Variants in KLF7 observed in about 807,000 individuals in gnomAD.
The protein encoded by KLF7 is Krueppel-like factor 7.
Under a neutral mutation model 27.3 loss-of-function variants are expected in KLF7, and 2 were observed. The observed-to-expected ratio is 0.07, with a 90% CI of 0.03 to 0.23. The LOEUF (loss-of-function observed/expected upper bound fraction) is 0.23, where lower values mean the gene tolerates loss of function less well. Among genes scored for constraint, KLF7 ranks in the 10% least tolerant of loss-of-function variants. KLF7 has a pLI of 1.00. For missense variants in KLF7, 221 were observed against 394.1 expected (o/e 0.56, Z 3.72); for synonymous variants, 165 against 162.4 (o/e 1.02, Z -0.12).
chr2:207,096,811 T>C lies in KLF7; in HGVS notation c.734-8230A>G, dbSNP rs79185299. ...ACAGTAGATGCTCAGATAATACACTTATTTACATATAGGACCCATAAAAGT... is the reference window on the plus strand; with the variant it reads ...ACAGTAGATGCTCAGATAATACACTCATTTACATATAGGACCCATAAAAGT... On this transcript the variant is annotated intron_variant, in intron 2 of 3. Coordinates refer to ENST00000309446, the MANE Select transcript of KLF7 (RefSeq NM_003709.4). Among the ~76,000 whole-genome samples, 72 of 152,310 alleles carry C rather than the reference T, an allele frequency of 4.7e-4. No individual in the cohort carries two copies. In the East Asian group the frequency reaches 0.01, roughly 22 times the overall value.
intron 2 of KLF7, among the ~76,000 whole-genome samples, chr2:207,117,145 C>A (rs571113258): frequency 6.6e-6 from 1 of 152,296 alleles, no homozygotes; most frequent in South Asian, 2.1e-4. Context: ...AGGCGTCCCA[C>A]AAAGCCTATA....
In KLF7 at chr2:207,078,898, T is replaced by C. The variant is rs2076220207; in HGVS notation, c.*2315A>G. ...TTGTCAGCAAGCAGTGCTCCAGAAATTGTTTTTAAGTCATGTCTAGTTTTA... is the reference window on the plus strand; with the variant it reads ...TTGTCAGCAAGCAGTGCTCCAGAAACTGTTTTTAAGTCATGTCTAGTTTTA... On this transcript the variant is annotated 3_prime_UTR_variant, in exon 4 of 4. Coordinates refer to ENST00000309446, the MANE Select transcript of KLF7 (RefSeq NM_003709.4). 6.6e-6 allele frequency: 1 copy of C among 152,182 alleles called. No individual in the cohort carries two copies. The highest frequency in any genetic ancestry group is 6.5e-5 in the Admixed American group (1 of 15,280). The allele number at this position is 152,182 out of a possible 1,614,324, so 9.4% of individuals were successfully genotyped here. A position where few individuals can be genotyped will look rare whatever the true frequency, so the allele number is the denominator to read the frequency against.
At chr2:207,096,201 G>A (rs1165023045) in intron 2 of KLF7, among the ~76,000 whole-genome samples, 2 of 152,188 alleles carry the variant, frequency 1.3e-5, no homozygotes, top group Non-Finnish European at 2.9e-5. Flanking sequence ...GAAGGACTCA[G>A]TAAACAAGTC....
chr2:207,102,042 C>A (rs1432459820), intron 2 of KLF7, among the ~76,000 whole-genome samples: 2 of 151,868 alleles, frequency 1.3e-5, no homozygotes, highest in Non-Finnish European at 2.9e-5. Flanking sequence ...GATCTTCCTA[C>A]ATCTTCTTTC....
upstream of KLF7, among the ~76,000 whole-genome samples, chr2:207,167,885 A>C (rs1216907646): frequency 6.6e-6 from 1 of 152,252 alleles, no homozygotes. Context: ...TGAATACTAA[A>C]TATTAGCTAT....
chr2:207,166,900 C>T, upstream of KLF7: 1 of 1,062,376 alleles, frequency 9.4e-7, no homozygotes, highest in Non-Finnish European at 1.2e-6. Flanking sequence ...GGCCTGCGCC[C>T]GCCCCCCGCT....
At chr2:207,132,762 T>C (rs928096608) in intron 1 of KLF7, among the ~76,000 whole-genome samples, 9 of 152,262 alleles carry the variant, frequency 5.9e-5, no homozygotes, top group Admixed American at 5.9e-4. Context: ...CTGGTAGCTA[T>C]GGCCCAGGCC....
At chr2:207,126,519 G>C (rs1379417733) in intron 1 of KLF7, among the ~76,000 whole-genome samples, 2 of 152,104 alleles carry the variant, frequency 1.3e-5, no homozygotes, top group Non-Finnish European at 2.9e-5. Flanking sequence ...ACATATCTCT[G>C]GGAATACAAT....
Position 207,124,072 on chromosome 2 carries a change from G to A in KLF7, c.435C>T (p.Ser145=). 14 of 1,614,182 alleles carry A rather than the reference G, an allele frequency of 8.7e-6. No homozygotes were observed. Among genetic ancestry groups the A allele is most frequent in the Non-Finnish European group, 1.2e-5 (14 of 1,180,032 alleles). Residue 145 remains serine (S), a synonymous_variant, in exon 2 of 4, where the codon AGC becomes AGT. Coordinates refer to ENST00000309446, the MANE Select transcript of KLF7 (RefSeq NM_003709.4). The part of the protein sequence containing the change: ...SLTPPSSPEL[S]RHLVKTSQTL... ...TTTGTGAGGTTTTGACCAGATGGCG[G>A]CTGAGCTCAGGGGACGATGGGGGCG...
intron 2 of KLF7, among the ~76,000 whole-genome samples, chr2:207,100,736 G>C (rs2076747433): frequency 6.6e-6 from 1 of 151,966 alleles, no homozygotes; most frequent in Non-Finnish European, 1.5e-5. Flanking sequence ...TCACTCTTTG[G>C]CCAGTTATTT....
chr2:207,144,783 A>G (rs2078049998), intron 1 of KLF7, among the ~76,000 whole-genome samples: 1 of 152,224 alleles, frequency 6.6e-6, no homozygotes, highest in Non-Finnish European at 1.5e-5. Flanking sequence ...AGTCATGCAG[A>G]TCAAGTAAAT....
chr2:207,135,859 C>T (rs564111716), intron 1 of KLF7, among the ~76,000 whole-genome samples: 6 of 152,204 alleles, frequency 3.9e-5, no homozygotes, highest in South Asian at 2.1e-4. Context: ...GGGACAGATC[C>T]GGATTTCTAA....
chr2:207,110,854 G>A (rs1288406437), intron 2 of KLF7, among the ~76,000 whole-genome samples: 2 of 152,196 alleles, frequency 1.3e-5, no homozygotes, highest in Admixed American at 6.5e-5. Context: ...ATTAGGAAAC[G>A]TTTTGCAAGT....
chr2:207,095,905 T>C (rs1255226717), intron 2 of KLF7, among the ~76,000 whole-genome samples: 1 of 152,192 alleles, frequency 6.6e-6, no homozygotes, highest in East Asian at 1.9e-4. Context: ...AAATTAATTT[T>C]ACCTTTTATT....
chr2:207,163,746 T>C (rs2078615953), intron 1 of KLF7, among the ~76,000 whole-genome samples: 2 of 152,212 alleles, frequency 1.3e-5, no homozygotes, highest in African/African-American at 4.8e-5. Flanking sequence ...ATCAACAGAT[T>C]CCCTTCTCTA....
Position 207,081,052 on chromosome 2 carries a change from T to A in KLF7, c.*161A>T. Reference sequence around the variant, plus strand: ...GTGTGTATGTGTGTGGGTCTGTGAGTGTGTGTATATGTGTGTGTGTGTGTG... The same window carrying A: ...GTGTGTATGTGTGTGGGTCTGTGAGAGTGTGTATATGTGTGTGTGTGTGTG... On this transcript the variant is annotated 3_prime_UTR_variant, in exon 4 of 4. Coordinates refer to ENST00000309446, the MANE Select transcript of KLF7 (RefSeq NM_003709.4). 1 of 643,128 alleles carries A rather than the reference T, an allele frequency of 1.6e-6. No homozygotes were observed. The allele number at this position is 643,128 out of a possible 1,614,324, so 39.8% of individuals were successfully genotyped here. A position where few individuals can be genotyped will look rare whatever the true frequency, so the allele number is the denominator to read the frequency against.
At position 207,075,438 on chromosome 2, in the gene KLF7, T is replaced by G. The variant is rs528962164; in HGVS notation, c.*5775A>C. 1 of 151,790 alleles carries G rather than the reference T, an allele frequency of 6.6e-6. No homozygotes were observed. The highest frequency in any genetic ancestry group is 1.5e-5 in the Non-Finnish European group (1 of 67,930). The allele number at this position is 151,790 out of a possible 1,614,324, so 9.4% of individuals were successfully genotyped here. ...TAAGACTGGGTACTTCTGTGATATA[T>G]TATAAATACCAGAGAAGGCCTGAGA... is the stretch of plus-strand genomic sequence containing the variant. On this transcript the variant is annotated 3_prime_UTR_variant, in exon 4 of 4. Coordinates refer to ENST00000309446, the MANE Select transcript of KLF7 (RefSeq NM_003709.4).
At chr2:207,131,106 T>C (rs1202948337) in intron 1 of KLF7, among the ~76,000 whole-genome samples, 1 of 152,196 alleles carries the variant, frequency 6.6e-6, no homozygotes, top group African/African-American at 2.4e-5. Flanking sequence ...AAGTGCAGCT[T>C]TCCACCATGT....
chr2:207,086,388 G>A (rs1299346479), intron 3 of KLF7, among the ~76,000 whole-genome samples: 2 of 152,314 alleles, frequency 1.3e-5, no homozygotes, highest in Non-Finnish European at 2.9e-5. Context: ...CCTGTCATGA[G>A]ACACTAATGG....
Sources: gnomAD v4.1 joint callset for allele counts (sites outside exome capture counted in the v4.1 genomes callset) on GRCh38, gnomAD v4.1.1 for gene constraint, MANE v1.5 for transcripts, NCBI Gene and HGNC (gene_info 2026-07-23, HGNC 2026-07-21) for gene names.